The following DNAJB11 variants were observed in gnomAD, a reference collection of about 807,000 sequenced individuals.
The protein encoded by DNAJB11 is dnaJ homolog subfamily B member 11.
A neutral mutation model predicts 47.2 loss-of-function variants in DNAJB11; 30 were observed. The observed-to-expected ratio is 0.64, with a 90% CI of 0.48 to 0.86. DNAJB11 has a LOEUF of 0.86. Ranked by LOEUF, DNAJB11 falls within the 40% of genes least tolerant of loss-of-function variation. The pLI, the probability that DNAJB11 is intolerant of heterozygous loss-of-function variation, is 0.00. For missense variants in DNAJB11, 357 were observed against 440.2 expected (o/e 0.81, Z 1.69); for synonymous variants, 151 against 159.9 (o/e 0.94, Z 0.42).
At chr3:186,571,021 G>GTT in intron 1 of DNAJB11, 56 bp downstream of exon 1, 1 of 1,003,452 alleles carries the variant, frequency 1.0e-6, no homozygotes, top group Non-Finnish European at 1.4e-6. Context: ...TTGCTGGGGG[G>GTT]TGGGAGGGGG....
chr3:186,571,026 AGGGGGTGGG>A, intron 1 of DNAJB11, 61 bp downstream of exon 1: 1 of 221,226 alleles, frequency 4.5e-6, no homozygotes, highest in Non-Finnish European at 8.6e-6. Flanking sequence ...GGGGGGTGGG[AGGGGGTGGG>A]GGAAGTGGCA....
chr3:186,582,705 G>T lies in DNAJB11; in HGVS notation c.683-11G>T. ...TATGATTTACAATATGCTGTAATCT[G>T]CTCTGACTAGGTGAGCCTCACGTGG... On this transcript the variant is annotated splice_polypyrimidine_tract_variant and intron_variant, in intron 6 of 9. Coordinates refer to ENST00000265028, the MANE Select transcript of DNAJB11 (RefSeq NM_016306.6). The T allele has an allele frequency of 6.3e-7, 1 of 1,584,964 alleles. No individual in the cohort carries two copies. Among genetic ancestry groups the T allele is most frequent in the South Asian group, 1.1e-5 (1 of 87,054 alleles).
At chr3:186,576,640 AGTAAGAATCACT>A (rs71925975) in intron 3 of DNAJB11, among the ~76,000 whole-genome samples, 14,970 of 152,200 alleles carry the variant, frequency 0.098, 864 homozygotes, top group African/African-American at 0.16. Context: ...CCCCAAAAGA[AGTAAGAATCACT>A]GTTGCATATA....
At chr3:186,577,878 A>G in intron 4 of DNAJB11, 78 bp downstream of exon 4, 1 of 1,241,406 alleles carries the variant, frequency 8.1e-7, no homozygotes, top group Non-Finnish European at 1.1e-6. Context: ...GTTTATATGT[A>G]CCTTCTCTGT....
rs561256079 is a variant in DNAJB11 at position 186,583,503 on chromosome 3, T to A, written c.741-362T>A. Among the ~76,000 whole-genome samples, 68 of 152,284 alleles carry A rather than the reference T, an allele frequency of 4.5e-4. No individual in the cohort carries two copies. The South Asian group carries it at 0.014, about 31-fold the overall frequency. On this transcript the variant is annotated intron_variant, in intron 7 of 9. Transcript: ENST00000265028. ...AATTCCTTCTCACTCTATTTCCCCT[T>A]CCCTCCACCCATTTTATCTGCATTT...
chr3:186,573,717 A>C (rs539810449), intron 2 of DNAJB11, among the ~76,000 whole-genome samples: 11 of 152,328 alleles, frequency 7.2e-5, no homozygotes, highest in African/African-American at 2.6e-4. Flanking sequence ...GAGGCACATC[A>C]ATAAACTTGG....
At chr3:186,583,207 C>T (rs1277310488) in intron 7 of DNAJB11, among the ~76,000 whole-genome samples, 2 of 152,210 alleles carry the variant, frequency 1.3e-5, no homozygotes, top group African/African-American at 4.8e-5. Flanking sequence ...TTGCCTGGGA[C>T]TCCAGCTTTC....
At chr3:186,585,160 C>A (rs895778888) in intron 9 of DNAJB11, among the ~76,000 whole-genome samples, 184 bp from the exon 10 acceptor site, 2 of 152,136 alleles carry the variant, frequency 1.3e-5, no homozygotes, top group Non-Finnish European at 2.9e-5. Context: ...AGGGATCATC[C>A]TGGACACACA....
At chr3:186,571,913 C>G (rs541233336) in intron 1 of DNAJB11, among the ~76,000 whole-genome samples, 182 bp from the exon 2 acceptor site, 21 of 152,308 alleles carry the variant, frequency 1.4e-4, no homozygotes, top group South Asian at 4.1e-4. Flanking sequence ...ATATAAGATT[C>G]ATTACAAATT....
rs375248047 is a variant in DNAJB11 at position 186,570,939 on chromosome 3, A to G, written c.42A>G (p.Leu14=). 27 of 1,598,796 alleles carry G rather than the reference A, an allele frequency of 1.7e-5. No homozygotes were observed. The African/African-American group carries it at 1.9e-4, about 11-fold the overall frequency. ...QNLSTFCLLL[L]YLIGAVIAGR... ...TGAGCACCTTTTGCCTGTTGCTGCT[A>G]TACCTCATCGGGGCGGTGATTGCCG... Residue 14 remains leucine, a synonymous_variant, in exon 1 of 10, where the codon CTA becomes CTG. Transcript: ENST00000265028.
In DNAJB11 at chr3:186,572,153, A is replaced by C. The variant is rs1176414784; in HGVS notation, c.127A>C (p.Lys43Gln). 1 of 1,612,836 alleles carries C rather than the reference A, an allele frequency of 6.2e-7. No individual in the cohort carries two copies. Among genetic ancestry groups the C allele is most frequent in the Non-Finnish European group, 8.5e-7 (1 of 1,179,536 alleles). ...AAGTGCCTCTATAAAGGATATTAAA[A>C]AGGCCTATAGGAAACTAGCCCTGCA... ...PRSASIKDIK[K>Q]AYRKLALQLH... Residue 43 changes from lysine to glutamine, a missense_variant, in exon 2 of 10, where the codon AAG becomes CAG. By Grantham distance (53) the Lys-to-Gln change is moderately conservative (BLOSUM62 1). Transcript: ENST00000265028.
chr3:186,571,092 G>A, intron 1 of DNAJB11, 127 bp downstream of exon 1: 1 of 869,978 alleles, frequency 1.1e-6, no homozygotes, highest in Non-Finnish European at 1.7e-6. Flanking sequence ...GGGTTGGCGG[G>A]GTGGCGGAGG....
At chr3:186,575,074 G>A (rs1715220609) in intron 2 of DNAJB11, among the ~76,000 whole-genome samples, 1 of 152,146 alleles carries the variant, frequency 6.6e-6, no homozygotes, top group African/African-American at 2.4e-5. Flanking sequence ...TCATGATTGT[G>A]TATGTAGTTC....
At chr3:186,582,626 T>A in intron 6 of DNAJB11, 90 bp from the exon 7 acceptor site, 1 of 1,048,618 alleles carries the variant, frequency 9.5e-7, no homozygotes. Flanking sequence ...ATGCCCAAAG[T>A]AGTGGATTAA....
chr3:186,579,809 C>T (rs769657289), intron 4 of DNAJB11: 2 of 152,214 alleles, frequency 1.3e-5, no homozygotes, highest in Admixed American at 1.3e-4. Flanking sequence ...CAAAACAGCC[C>T]TCTATCTGTG....
intron 1 of DNAJB11, 49 bp downstream of exon 1, chr3:186,571,014 CTG>C: frequency 4.1e-6 from 1 of 246,566 alleles, no homozygotes; most frequent in Non-Finnish European, 8.4e-6. Flanking sequence ...TCAGCCTTTG[CTG>C]GGGGGTGGGA....
At position 186,581,526 on chromosome 3, in the gene DNAJB11, A is replaced by T; in HGVS notation, c.599+13A>T. On this transcript the variant is annotated intron_variant, in intron 5 of 9. Transcript: ENST00000265028. ...GCCCTAATGTCAAGTAAGTGAAAGC[A>T]CCTTCTTTGTTCTACCAAGAAACAC... is the stretch of plus-strand genomic sequence containing the variant. 3 of 1,610,484 alleles carry T rather than the reference A, an allele frequency of 1.9e-6. No homozygotes were observed. The highest frequency in any genetic ancestry group is 2.5e-6 in the Non-Finnish European group (3 of 1,178,464).
At chr3:186,580,628 C>T (rs895159859) in intron 4 of DNAJB11, 1 of 152,196 alleles carries the variant, frequency 6.6e-6, no homozygotes, top group Non-Finnish European at 1.5e-5. Flanking sequence ...CTATAATTTA[C>T]TCTGTTGACC....
At chr3:186,579,442 A>G (rs915676055) in intron 4 of DNAJB11, 3 of 152,214 alleles carry the variant, frequency 2.0e-5, no homozygotes, top group Admixed American at 1.3e-4. Flanking sequence ...TTCTTGCATT[A>G]TTTCTTACTC....
Sources: allele counts gnomAD v4.1 joint callset (sites outside exome capture counted in the v4.1 genomes callset), GRCh38; gene constraint gnomAD v4.1.1; transcripts MANE v1.5; gene names NCBI Gene and HGNC (gene_info 2026-07-23, HGNC 2026-07-21).